The following CENPC variants were observed in gnomAD, a reference collection of about 807,000 sequenced individuals.
The protein encoded by CENPC is centromere protein C.
CENPC carries 63 observed loss-of-function variants against 112.1 expected under a neutral mutation model. That is an observed-to-expected ratio of 0.56 (90% CI 0.46 to 0.69). CENPC has a LOEUF of 0.69. Among genes scored for constraint, CENPC ranks in the 30% least tolerant of loss-of-function variants. CENPC has a pLI of 0.00. For missense variants in CENPC, 1,000 were observed against 1,103.8 expected (o/e 0.91, Z 1.33); for synonymous variants, 333 against 367.6 (o/e 0.91, Z 1.08).
At chr4:67,527,624 C>T (rs1424361913) in intron 5 of CENPC, among the ~76,000 whole-genome samples, 1 of 150,594 alleles carries the variant, frequency 6.6e-6, no homozygotes, top group Non-Finnish European at 1.5e-5. Context: ...CCTCAGTCTC[C>T]CAAGTAGGCA....
At chr4:67,477,860 C>G (rs1236417066) in intron 17 of CENPC, among the ~76,000 whole-genome samples, 1 of 151,744 alleles carries the variant, frequency 6.6e-6, no homozygotes, top group Admixed American at 6.6e-5. Context: ...AAATAAAAAA[C>G]AATCACAACT....
chr4:67,478,582 T>C (rs1451489538), intron 17 of CENPC, among the ~76,000 whole-genome samples: 3 of 151,590 alleles, frequency 2.0e-5, no homozygotes, highest in East Asian at 1.9e-4. Context: ...ACTCAAAATA[T>C]ATCAAAATAG....
chr4:67,492,659 G>T (rs1725316167), intron 15 of CENPC: 1 of 778,410 alleles, frequency 1.3e-6, no homozygotes, highest in African/African-American at 1.8e-5. Context: ...TACTCATGAA[G>T]AAATTTATAA....
At chr4:67,474,044 A>G (rs752024367) in intron 18 of CENPC, among the ~76,000 whole-genome samples, 10 of 150,446 alleles carry the variant, frequency 6.6e-5, no homozygotes, top group East Asian at 2.0e-4. Context: ...GTAATACAAC[A>G]TATCTGCTGA....
At chr4:67,477,441 CAG>C (rs1724835933) in intron 17 of CENPC, among the ~76,000 whole-genome samples, 1 of 152,164 alleles carries the variant, frequency 6.6e-6, no homozygotes, top group Non-Finnish European at 1.5e-5. Flanking sequence ...TAGCTAGACA[CAG>C]AAGAGCAATA....
chr4:67,501,151 T>C (rs1010597440), intron 12 of CENPC, among the ~76,000 whole-genome samples: 2 of 152,066 alleles, frequency 1.3e-5, no homozygotes, highest in African/African-American at 4.8e-5. Flanking sequence ...CTACTAAAAA[T>C]ACAAAAATTA....
chr4:67,519,544 T>C, intron 5 of CENPC, 42 bp from the exon 6 acceptor site: 1 of 1,272,070 alleles, frequency 7.9e-7, no homozygotes, highest in Non-Finnish European at 1.0e-6. Flanking sequence ...ATTAAAAGAA[T>C]AATAAGAGAA....
chr4:67,528,766 T>C (rs536216699), intron 5 of CENPC, among the ~76,000 whole-genome samples: 1 of 152,328 alleles, frequency 6.6e-6, no homozygotes, highest in South Asian at 2.1e-4. Context: ...TTGTGAATAA[T>C]ACTGCTACGA....
intron 11 of CENPC, among the ~76,000 whole-genome samples, chr4:67,506,103 A>G (rs1439794119): frequency 1.3e-5 from 2 of 152,190 alleles, no homozygotes; most frequent in African/African-American, 4.8e-5. Flanking sequence ...ATCCCTTAAA[A>G]GTCTGAGAAT....
chr4:67,478,884 C>T (rs1724880178), intron 17 of CENPC, among the ~76,000 whole-genome samples: 1 of 152,110 alleles, frequency 6.6e-6, no homozygotes, highest in South Asian at 2.1e-4. Context: ...AAAAGATATT[C>T]CATGCAAATG....
intron 16 of CENPC, among the ~76,000 whole-genome samples, chr4:67,491,525 AGAGC>A (rs1725279895): frequency 7.7e-6 from 1 of 130,094 alleles, no homozygotes; most frequent in Admixed American, 8.2e-5. Flanking sequence ...AGAGAGAGAG[AGAGC>A]CTGGTTGTTA....
chr4:67,489,801 T>C (rs974134852), intron 17 of CENPC, among the ~76,000 whole-genome samples, 166 bp downstream of exon 17: 2 of 152,152 alleles, frequency 1.3e-5, no homozygotes, highest in African/African-American at 4.8e-5. Flanking sequence ...GTCAAATAAC[T>C]GTTGGCTGGT....
intron 9 of CENPC, 56 bp downstream of exon 9, chr4:67,512,346 C>A (rs1019174879): frequency 1.6e-6 from 2 of 1,214,434 alleles, no homozygotes; most frequent in South Asian, 1.4e-5. Context: ...AAACATAATG[C>A]CCCTTACAGA....
At chr4:67,532,803 G>A (rs1203995263) in intron 4 of CENPC, among the ~76,000 whole-genome samples, 7 of 152,090 alleles carry the variant, frequency 4.6e-5, no homozygotes, top group African/African-American at 1.2e-4. Flanking sequence ...TGTAAATGAC[G>A]AGTTAACGGG....
chr4:67,504,101 A>AAAG (rs2109791501), intron 12 of CENPC, among the ~76,000 whole-genome samples: 3 of 149,376 alleles, frequency 2.0e-5, no homozygotes, highest in African/African-American at 7.6e-5. Flanking sequence ...GCAAAAAAAA[A>AAAG]AAAAAAAAAG....
At chr4:67,542,491 C>T (rs762860481) in intron 2 of CENPC, among the ~76,000 whole-genome samples, 1 of 152,154 alleles carries the variant, frequency 6.6e-6, no homozygotes, top group Non-Finnish European at 1.5e-5. Context: ...ATCATCCAGT[C>T]CAATAATCAT....
Position 67,519,267 on chromosome 4 carries a change from T to C in CENPC, c.567A>G (p.Ser189=), listed in dbSNP as rs1322317102. 1.9e-6 allele frequency: 3 copies of C among 1,606,278 alleles called. No individual in the cohort carries two copies. The highest frequency in any genetic ancestry group is 2.2e-5 in the East Asian group (1 of 44,648). Residue 189 remains serine, a synonymous_variant, in exon 6 of 19, where the codon TCA becomes TCG. Coordinates refer to ENST00000273853, the MANE Select transcript of CENPC (RefSeq NM_001812.4). ...CTGTACTTGAAGGCAGCATATTTACTGAATTTTCAAAAGTGTAAGTCTCTC... is the reference window on the plus strand; with the variant it reads ...CTGTACTTGAAGGCAGCATATTTACCGAATTTTCAAAAGTGTAAGTCTCTC... ...QKRETYTFEN[S]VNMLPSSTEV...
In CENPC at chr4:67,521,252, T is replaced by C. The variant is rs1025223254; in HGVS notation, c.332-1750A>G. On this transcript the variant is annotated intron_variant, in intron 5 of 18. Coordinates refer to ENST00000273853, the MANE Select transcript of CENPC (RefSeq NM_001812.4). Reference sequence around the variant, plus strand: ...TAATGATCAATAGACATAAATGAGATGAATCAGATTTTAAAATTATTTAAC... The same window carrying C: ...TAATGATCAATAGACATAAATGAGACGAATCAGATTTTAAAATTATTTAAC... Among the ~76,000 whole-genome samples, 3 of 142,798 alleles carry C rather than the reference T, an allele frequency of 2.1e-5. 1 individual carries two copies. In the East Asian group the frequency reaches 6.0e-4, roughly 29 times the overall value. The allele number at this position is 142,798 out of a possible 152,430, so 93.7% of individuals were successfully genotyped here.
rs1484526446 is a variant in CENPC, at chr4:67,471,302, A to C, written c.*1303T>G. The C allele has an allele frequency of 1.3e-5, 2 of 152,218 alleles. No individual in the cohort carries two copies. The highest frequency in any genetic ancestry group is 4.8e-5 in the African/African-American group (2 of 41,456). The allele number at this position is 152,218 out of a possible 1,614,324, so 9.4% of individuals were successfully genotyped here. On this transcript the variant is annotated 3_prime_UTR_variant, in exon 19 of 19. Coordinates refer to ENST00000273853, the MANE Select transcript of CENPC (RefSeq NM_001812.4). ...CAATTTGAGTCCAGTCAAAATGCTA[A>C]ATTTAAAACAATACAAATCCCTTAG...
Sources: allele counts gnomAD v4.1 joint callset (sites outside exome capture counted in the v4.1 genomes callset), GRCh38; gene constraint gnomAD v4.1.1; transcripts MANE v1.5; gene names NCBI Gene and HGNC (gene_info 2026-07-23, HGNC 2026-07-21).